The following TSHZ2 variants were observed in gnomAD, a reference collection of about 807,000 sequenced individuals.
TSHZ2 encodes the protein teashirt homolog 2.
A neutral mutation model predicts 74.4 loss-of-function variants in TSHZ2; 21 were observed. The observed-to-expected ratio is 0.28, with a 90% CI of 0.20 to 0.41. The LOEUF is 0.41. Among genes scored for constraint, TSHZ2 ranks in the 10% least tolerant of loss-of-function variants. TSHZ2 has a pLI of 1.00. For missense variants in TSHZ2, 1,244 were observed against 1,293.5 expected, an observed-to-expected ratio of 0.96 and a Z score of 0.59; for synonymous variants, 540 against 515.3, an observed-to-expected ratio of 1.05 and a Z score of -0.65.
rs558522620 is a variant in TSHZ2, at chr20:53,480,663, C to T, written c.*9-6481C>T. Among the ~76,000 whole-genome samples, 18 of 152,250 alleles carry T rather than the reference C, an allele frequency of 1.2e-4. No homozygotes were observed. The South Asian group carries it at 3.5e-3, about 30-fold the overall frequency. On this transcript the variant is annotated intron_variant, in intron 2 of 2. Coordinates refer to ENST00000371497, the MANE Select transcript of TSHZ2 (RefSeq NM_173485.6). ...GTCTCACACATTGCAAGGAGCCTCACGTTCCCAGCCCCTAACCACTAAATG... is the reference window on the plus strand; with the variant it reads ...GTCTCACACATTGCAAGGAGCCTCATGTTCCCAGCCCCTAACCACTAAATG...
chr20:53,258,410 A>G (rs1990529567), intron 2 of TSHZ2, among the ~76,000 whole-genome samples: 1 of 152,226 alleles, frequency 6.6e-6, no homozygotes, highest in Admixed American at 6.5e-5. Context: ...GAAGAAAGAT[A>G]TTTCAAATCC....
rs574719737 is a variant in TSHZ2 at position 53,288,402 on chromosome 20, C to T, written c.*8+31831C>T. Among the ~76,000 whole-genome samples, 199 of 101,024 alleles carry T rather than the reference C, an allele frequency of 2.0e-3. 2 individuals carry two copies. The highest frequency in any genetic ancestry group is 9.4e-3 in the African/African-American group (191 of 20,266). The allele number at this position is 101,024 out of a possible 152,430, so 66.3% of individuals were successfully genotyped here. ...CTCCAGCCTGGGTGACAGAGCAAGACTCCGTTTCAAAAAAAAAAAAAAAAA... is the reference window on the plus strand; with the variant it reads ...CTCCAGCCTGGGTGACAGAGCAAGATTCCGTTTCAAAAAAAAAAAAAAAAA... On this transcript the variant is annotated intron_variant, in intron 2 of 2. Transcript: ENST00000371497.
intron 1 of TSHZ2, among the ~76,000 whole-genome samples, chr20:52,998,527 A>G (rs1982290279): frequency 6.6e-6 from 1 of 152,190 alleles, no homozygotes; most frequent in African/African-American, 2.4e-5. Context: ...TATTAGCCCA[A>G]GGGTTACTTG....
chr20:53,409,842 T>A (rs1982986416), intron 2 of TSHZ2, among the ~76,000 whole-genome samples: 1 of 128,560 alleles, frequency 7.8e-6, no homozygotes, highest in African/African-American at 3.0e-5. Flanking sequence ...TTCTTTTTTT[T>A]TTTTTTTTTT....
chr20:53,131,730 G>A (rs911485598), intron 1 of TSHZ2, among the ~76,000 whole-genome samples: 1 of 150,540 alleles, frequency 6.6e-6, no homozygotes, highest in African/African-American at 2.4e-5. Context: ...AAAACCAGAT[G>A]TAGACATTAG....
intron 1 of TSHZ2, among the ~76,000 whole-genome samples, chr20:53,087,795 C>T (rs1020615296): frequency 1.3e-5 from 2 of 152,158 alleles, no homozygotes; most frequent in Non-Finnish European, 2.9e-5. Flanking sequence ...AGTACCTCTG[C>T]TTCTTCTAGT....
chr20:53,215,529 T>C (rs1193406797), intron 1 of TSHZ2, among the ~76,000 whole-genome samples: 1 of 150,214 alleles, frequency 6.7e-6, no homozygotes, highest in African/African-American at 2.5e-5. Flanking sequence ...CTAGATTTTT[T>C]TTTTGCCTTT....
At chr20:53,298,485 T>C (rs753973700) in intron 2 of TSHZ2, among the ~76,000 whole-genome samples, 29 of 152,302 alleles carry the variant, frequency 1.9e-4, no homozygotes, top group Non-Finnish European at 3.5e-4. Context: ...AGAACTGGCT[T>C]CAGAGATCTG....
chr20:53,231,225 A>G (rs927522401), intron 1 of TSHZ2, among the ~76,000 whole-genome samples: 1 of 152,342 alleles, frequency 6.6e-6, no homozygotes, highest in African/African-American at 2.4e-5. Context: ...GATATCATTC[A>G]TATTGTGACG....
At chr20:53,193,079 A>G (rs913501329) in intron 1 of TSHZ2, among the ~76,000 whole-genome samples, 2 of 151,876 alleles carry the variant, frequency 1.3e-5, no homozygotes, top group African/African-American at 4.8e-5. Context: ...AGACCCCAAA[A>G]CAGAGTATGG....
chr20:53,477,577 T>A (rs78403821), intron 2 of TSHZ2, among the ~76,000 whole-genome samples: 24,883 of 138,734 alleles, frequency 0.18, 2,280 homozygotes, highest in East Asian at 0.27. Context: ...AACCTAGGCT[T>A]TACCATTCAG....
At chr20:53,104,601 G>A (rs558624553) in intron 1 of TSHZ2, among the ~76,000 whole-genome samples, 1 of 152,262 alleles carries the variant, frequency 6.6e-6, no homozygotes, top group East Asian at 1.9e-4. Context: ...CTGTGGTTGG[G>A]AATATGGTAC....
At chr20:53,455,524 G>C (rs1313354170) in intron 2 of TSHZ2, 1 of 152,102 alleles carries the variant, frequency 6.6e-6, no homozygotes, top group Admixed American at 6.6e-5. Context: ...TTTCATAAAT[G>C]TATACTAATA....
intron 1 of TSHZ2, among the ~76,000 whole-genome samples, chr20:53,183,342 G>A (rs1988526434): frequency 6.6e-6 from 1 of 152,164 alleles, no homozygotes; most frequent in African/African-American, 2.4e-5. Context: ...GAATTTGGAT[G>A]TGGCCATCCT....
At chr20:53,097,453 G>A (rs1040800665) in intron 1 of TSHZ2, among the ~76,000 whole-genome samples, 1 of 152,136 alleles carries the variant, frequency 6.6e-6, no homozygotes, top group Admixed American at 6.5e-5. Context: ...TGGCCTTTAT[G>A]TCTCAGAAAT....
At chr20:52,978,649 CA>C (rs1170328327) in intron 1 of TSHZ2, among the ~76,000 whole-genome samples, 1 of 152,116 alleles carries the variant, frequency 6.6e-6, no homozygotes, top group African/African-American at 2.4e-5. Context: ...TTCCCTGAAG[CA>C]GTGGTTTTTC....
chr20:53,412,627 T>A (rs1365849581), intron 2 of TSHZ2: 1 of 152,180 alleles, frequency 6.6e-6, no homozygotes, highest in Non-Finnish European at 1.5e-5. Context: ...GAGGCCTCCG[T>A]CTCTCAGGGG....
chr20:53,451,277 C>A (rs1434086884), intron 2 of TSHZ2, among the ~76,000 whole-genome samples: 1 of 152,202 alleles, frequency 6.6e-6, no homozygotes, highest in East Asian at 1.9e-4. Context: ...AAAACACCTA[C>A]TCATGCAACA....
chr20:53,316,565 A>G (rs1979030524), intron 2 of TSHZ2, among the ~76,000 whole-genome samples: 1 of 149,232 alleles, frequency 6.7e-6, no homozygotes, highest in African/African-American at 2.5e-5. Context: ...GTGCATTTCA[A>G]AATAGTATTT....
Sources: gnomAD v4.1 joint callset for allele counts (sites outside exome capture counted in the v4.1 genomes callset) on GRCh38, gnomAD v4.1.1 for gene constraint, MANE v1.5 for transcripts, NCBI Gene and HGNC (gene_info 2026-07-23, HGNC 2026-07-21) for gene names.